MROH1: variants seen among roughly 807,000 people sequenced by gnomAD.
MROH1 encodes the protein maestro heat like repeat family member 1, also known as maestro heat-like repeat-containing protein family member 1.
A neutral mutation model predicts 116.5 loss-of-function variants in MROH1; 117 were observed. The ratio of observed to expected loss-of-function variants is 1.00; its 90% confidence interval spans 0.86 to 1.17. The LOEUF (loss-of-function observed/expected upper bound fraction) is 1.17. Among genes scored for constraint, MROH1 ranks in the 50% most tolerant of loss-of-function variants. The probability of loss-of-function intolerance (pLI) is 0.00; values close to 1 mark genes in which losing one functional copy is unlikely to be tolerated. For synonymous variants in MROH1, 921 were observed against 583.9 expected (o/e 1.58, Z -8.32); for missense variants, 1,873 against 1,338.5 (o/e 1.40, Z -6.23).
chr8:144,215,797 T>C (rs892414346), intron 12 of MROH1, among the ~76,000 whole-genome samples: 7 of 147,538 alleles, frequency 4.7e-5, no homozygotes, highest in African/African-American at 1.8e-4. Context: ...GGCGTGAACC[T>C]GGGTGGCAGA....
At chr8:144,223,289 GCACTGGCATCAGGAGC>G in intron 14 of MROH1, 59 bp downstream of exon 14, 1 of 1,539,786 alleles carries the variant, frequency 6.5e-7, no homozygotes, top group Non-Finnish European at 8.8e-7. Flanking sequence ...CCTGTGTTAG[GCACTGGCATCAGGAGC>G]CACTGGCCCA....
At chr8:144,241,775 C>G (rs1397498203) in intron 22 of MROH1, among the ~76,000 whole-genome samples, 1 of 152,206 alleles carries the variant, frequency 6.6e-6, no homozygotes, top group South Asian at 2.1e-4. Context: ...GAGGGGTTCG[C>G]GGCTGGGGCA....
chr8:144,256,317 T>C (rs1434354548), intron 35 of MROH1, among the ~76,000 whole-genome samples: 1 of 151,694 alleles, frequency 6.6e-6, no homozygotes, highest in Admixed American at 6.6e-5. Flanking sequence ...AGGAGGGCTC[T>C]GGTTCCATCC....
chr8:144,167,849 T>C (rs1358963498), intron 3 of MROH1, among the ~76,000 whole-genome samples: 1 of 152,148 alleles, frequency 6.6e-6, no homozygotes, highest in Non-Finnish European at 1.5e-5. Context: ...AATGGGGCCA[T>C]GGGGAACCCC....
chr8:144,212,390 G>A (rs1247018891), intron 12 of MROH1, among the ~76,000 whole-genome samples: 1 of 151,624 alleles, frequency 6.6e-6, no homozygotes, highest in Non-Finnish European at 1.5e-5. Flanking sequence ...TAGCCAAGAA[G>A]TTACCTTTTA....
intron 34 of MROH1, among the ~76,000 whole-genome samples, chr8:144,255,250 C>T (rs1843510559): frequency 6.6e-6 from 1 of 152,262 alleles, no homozygotes; most frequent in Non-Finnish European, 1.5e-5. Context: ...TTCCCTCCTC[C>T]TCCTTTCTGA....
intron 13 of MROH1, among the ~76,000 whole-genome samples, chr8:144,221,572 CTTG>C (rs771628529): frequency 9.9e-5 from 15 of 152,196 alleles, no homozygotes; most frequent in African/African-American, 2.9e-4. Context: ...CTGTGAGACT[CTTG>C]TTGTTTCCCC....
chr8:144,184,840 C>T (rs1057055006), intron 7 of MROH1, among the ~76,000 whole-genome samples: 4 of 152,216 alleles, frequency 2.6e-5, no homozygotes, highest in Admixed American at 1.3e-4. Context: ...CCGCCAGGAG[C>T]TGCTGACTTT....
chr8:144,173,575 GCCA>G (rs1018721834), intron 4 of MROH1, among the ~76,000 whole-genome samples: 1 of 151,752 alleles, frequency 6.6e-6, no homozygotes, highest in African/African-American at 2.4e-5. Flanking sequence ...ACAGGTGCAC[GCCA>G]CCACACCTGT....
chr8:144,250,138 C>T (rs1370101527), intron 32 of MROH1, 74 bp from the exon 33 acceptor site: 12 of 720,968 alleles, frequency 1.7e-5, no homozygotes, highest in Non-Finnish European at 3.0e-5. Context: ...GGCCCCACCC[C>T]CTTGGGCTGG....
chr8:144,242,125 C>G, intron 22 of MROH1: 1 of 599,140 alleles, frequency 1.7e-6, no homozygotes, highest in Non-Finnish European at 3.0e-6. Flanking sequence ...GGCCCTTGGC[C>G]CTCTGTTACT....
At chr8:144,206,138 C>T (rs111397971) in intron 12 of MROH1, among the ~76,000 whole-genome samples, 7,836 of 152,236 alleles carry the variant, frequency 0.051, 255 homozygotes, top group Non-Finnish European at 0.077. Context: ...CAGCCTTGAC[C>T]TCACGGGTTC....
rs1841541782 is a variant in MROH1, at chr8:144,244,441, C to T, written c.2671-3C>T. 2 of 756,366 alleles carry T rather than the reference C, an allele frequency of 2.6e-6. No homozygotes were observed. Among genetic ancestry groups the T allele is most frequent in the Non-Finnish European group, 4.9e-6 (2 of 406,052 alleles). The allele number at this position is 756,366 out of a possible 1,614,324, so 46.9% of individuals were successfully genotyped here. On this transcript the variant is annotated splice_region_variant and splice_polypyrimidine_tract_variant and intron_variant, in intron 27 of 43. Coordinates refer to ENST00000326134, the MANE Select transcript of MROH1 (RefSeq NM_032450.3). Reference sequence around the variant, plus strand: ...GGGCTGGACGGCCTGGCTCTCCTTCCAGTCCCTGTATCTGGAGACACTGCA... The same window carrying T: ...GGGCTGGACGGCCTGGCTCTCCTTCTAGTCCCTGTATCTGGAGACACTGCA...
At chr8:144,203,539 G>C (rs910816160) in intron 12 of MROH1, among the ~76,000 whole-genome samples, 3 of 151,588 alleles carry the variant, frequency 2.0e-5, no homozygotes, top group African/African-American at 7.3e-5. Flanking sequence ...GCCCGGAGAG[G>C]AGCGCCCGCT....
chr8:144,255,833 G>C, intron 35 of MROH1, 128 bp downstream of exon 35: 1 of 637,838 alleles, frequency 1.6e-6, no homozygotes, highest in South Asian at 1.8e-5. Context: ...TGCTTCCAGG[G>C]AGCTGGCGCC....
At position 144,220,662 on chromosome 8, in the gene MROH1, A is replaced by G; in HGVS notation, c.1204A>G (p.Thr402Ala). 1 of 1,573,868 alleles carries G rather than the reference A, an allele frequency of 6.4e-7. No individual in the cohort carries two copies. The highest frequency in any genetic ancestry group is 2.3e-5 in the East Asian group (1 of 42,762). Residue 402 changes from threonine to alanine, a missense_variant, in exon 13 of 44, where the codon ACC (threonine) becomes GCC (alanine). Physicochemically the swap from Thr to Ala is moderately conservative, Grantham distance 58 (BLOSUM62 0). Transcript: ENST00000326134. ...LSSMRLPLLDTNSKVKRAVVQ... is the reference protein window; with the variant it reads ...LSSMRLPLLDANSKVKRAVVQ... ...TTCCATGAGGCTTCCTCTCCTGGAC[A>G]CCAACAGCAAGGTAAACCACATGGG...
chr8:144,203,802 A>T (rs7002760), intron 12 of MROH1, among the ~76,000 whole-genome samples: 9,136 of 152,166 alleles, frequency 0.06, 940 homozygotes, highest in African/African-American at 0.21. Flanking sequence ...TTGGCATCTG[A>T]AGTGGAATTC....
chr8:144,148,443 T>TG (rs1815940582), intron 1 of MROH1, among the ~76,000 whole-genome samples: 1 of 151,820 alleles, frequency 6.6e-6, no homozygotes. Context: ...GTGAGCCCGG[T>TG]GGTCCCCAGT....
At chr8:144,240,756 G>A in intron 20 of MROH1, 79 bp downstream of exon 20, 1 of 700,956 alleles carries the variant, frequency 1.4e-6, no homozygotes, top group South Asian at 1.5e-5. Context: ...TTGCTGTCTG[G>A]GCCCTGTCTC....
Sources: allele counts gnomAD v4.1 joint callset (sites outside exome capture counted in the v4.1 genomes callset), GRCh38; gene constraint gnomAD v4.1.1; transcripts MANE v1.5; gene names NCBI Gene and HGNC (gene_info 2026-07-23, HGNC 2026-07-21).